MYO5B: variants seen among roughly 807,000 people sequenced by gnomAD.
MYO5B encodes myosin VB.
MYO5B carries 143 observed loss-of-function variants against 229.3 expected under a neutral mutation model. That is an observed-to-expected ratio of 0.62 (90% CI 0.54 to 0.72). The LOEUF is 0.72. Among genes scored for constraint, MYO5B ranks in the 30% least tolerant of loss-of-function variants. The pLI, the probability that MYO5B is intolerant of heterozygous loss-of-function variation, is 0.00. For synonymous variants in MYO5B, 918 were observed against 885.2 expected, an observed-to-expected ratio of 1.04 and a Z score of -0.66; for missense variants, 2,321 against 2,331.0, an observed-to-expected ratio of 1.00 and a Z score of 0.09.
chr18:50,044,775 T>G (rs938752490), intron 2 of MYO5B, among the ~76,000 whole-genome samples: 2 of 152,156 alleles, frequency 1.3e-5, no homozygotes, highest in African/African-American at 4.8e-5. Flanking sequence ...AACAGAGGTT[T>G]GTCTACACAA....
intron 17 of MYO5B, among the ~76,000 whole-genome samples, chr18:49,915,619 G>A (rs1598880030): frequency 6.6e-6 from 1 of 152,222 alleles, no homozygotes; most frequent in African/African-American, 2.4e-5. Flanking sequence ...AACCCATTGA[G>A]TTGCTGATTA....
At chr18:49,843,524 G>A in intron 33 of MYO5B, 132 bp from the exon 34 acceptor site, 1 of 1,203,250 alleles carries the variant, frequency 8.3e-7, no homozygotes, top group Non-Finnish European at 1.2e-6. Context: ...GTCTCAAAGA[G>A]GATTGGGAGA....
At chr18:50,070,314 G>A (rs1178877728) in intron 1 of MYO5B, among the ~76,000 whole-genome samples, 4 of 151,944 alleles carry the variant, frequency 2.6e-5, no homozygotes, top group South Asian at 2.1e-4. Context: ...GTGAGCTATC[G>A]CGCCCAGCTG....
intron 1 of MYO5B, among the ~76,000 whole-genome samples, chr18:50,103,885 C>A (rs2031702032): frequency 6.6e-6 from 1 of 151,860 alleles, no homozygotes; most frequent in Non-Finnish European, 1.5e-5. Flanking sequence ...GTAGGGCAAG[C>A]ATGCATCATC....
intron 22 of MYO5B, among the ~76,000 whole-genome samples, chr18:49,891,453 AG>A (rs913596710): frequency 3.9e-5 from 6 of 152,208 alleles, no homozygotes; most frequent in African/African-American, 1.2e-4. Context: ...AAGAACGAGA[AG>A]GGTTTTTTCA....
In MYO5B at chr18:49,987,118, C is replaced by G. The variant is rs553447620; in HGVS notation, c.839-2293G>C. Among the ~76,000 whole-genome samples, 72 of 152,110 alleles carry G rather than the reference C, an allele frequency of 4.7e-4. 1 individual carries two copies. The highest frequency in any genetic ancestry group is 8.7e-4 in the Non-Finnish European group (59 of 68,034). On this transcript the variant is annotated intron_variant, in intron 7 of 39. Coordinates refer to ENST00000285039, the MANE Select transcript of MYO5B (RefSeq NM_001080467.3). ...AAGGTCCTACTGCCTGATGTTGCTA[C>G]GAATCAGATAGACACCCCGCCTTCC...
At chr18:49,861,433 T>C (rs1441455190) in intron 29 of MYO5B, among the ~76,000 whole-genome samples, 2 of 152,198 alleles carry the variant, frequency 1.3e-5, no homozygotes, top group African/African-American at 2.4e-5. Flanking sequence ...CTTCTTCCCT[T>C]CTACTTTAGT....
At chr18:50,024,522 A>G (rs2026310285) in intron 4 of MYO5B, among the ~76,000 whole-genome samples, 1 of 152,236 alleles carries the variant, frequency 6.6e-6, no homozygotes, top group East Asian at 1.9e-4. Context: ...AAAGCAAGTC[A>G]TCAATCATGA....
At chr18:49,937,923 T>C (rs1357405028) in intron 14 of MYO5B, among the ~76,000 whole-genome samples, 3 of 152,230 alleles carry the variant, frequency 2.0e-5, no homozygotes, top group Non-Finnish European at 4.4e-5. Context: ...TTAGTGGTGA[T>C]GACTGCATAA....
chr18:49,893,504 G>C lies in MYO5B; in HGVS notation c.3045+1437C>G, dbSNP rs943796680. Among the ~76,000 whole-genome samples the C allele has an allele frequency of 2.6e-5, 4 of 152,212 alleles. No individual in the cohort carries two copies. In the East Asian group the frequency reaches 7.7e-4, roughly 29 times the overall value. On this transcript the variant is annotated intron_variant, in intron 22 of 39. Coordinates refer to ENST00000285039, the MANE Select transcript of MYO5B (RefSeq NM_001080467.3). ...TTTAACAGGAGTTTCCAAGCACCAC[G>C]TGCTTTCTCCCAAAGAATGAATCCA... is the stretch of plus-strand genomic sequence containing the variant.
intron 1 of MYO5B, among the ~76,000 whole-genome samples, chr18:50,087,444 G>A (rs373743241): frequency 5.3e-5 from 8 of 151,826 alleles, no homozygotes; most frequent in Admixed American, 1.3e-4. Context: ...GTGGTGGCAC[G>A]CGCCTGTAAT....
chr18:50,029,204 T>C (rs1301727705), intron 4 of MYO5B, among the ~76,000 whole-genome samples: 2 of 152,214 alleles, frequency 1.3e-5, no homozygotes, highest in African/African-American at 4.8e-5. Context: ...CTTAGTGCTG[T>C]ATCATCCCTA....
chr18:50,150,711 A>G (rs756985661), intron 1 of MYO5B, among the ~76,000 whole-genome samples: 2 of 152,214 alleles, frequency 1.3e-5, no homozygotes, highest in Non-Finnish European at 2.9e-5. Context: ...GAGGGATAGC[A>G]TTGGGAGATA....
chr18:50,060,270 T>C (rs2030656298), intron 1 of MYO5B, among the ~76,000 whole-genome samples: 1 of 152,204 alleles, frequency 6.6e-6, no homozygotes, highest in Non-Finnish European at 1.5e-5. Context: ...TTCACATTAC[T>C]AGTCTATGAA....
chr18:49,935,502 C>T (rs1246198195), intron 16 of MYO5B, among the ~76,000 whole-genome samples: 1 of 152,178 alleles, frequency 6.6e-6, no homozygotes, highest in Non-Finnish European at 1.5e-5. Flanking sequence ...ATGCCTCTTA[C>T]TACAACAAAG....
chr18:50,164,516 A>G (rs539086097), intron 1 of MYO5B, among the ~76,000 whole-genome samples: 59 of 152,324 alleles, frequency 3.9e-4, no homozygotes, highest in Non-Finnish European at 6.8e-4. Context: ...ATTCACATAC[A>G]TTATTTGGAA....
chr18:50,083,085 A>G (rs1027948962), intron 1 of MYO5B, among the ~76,000 whole-genome samples: 2 of 152,312 alleles, frequency 1.3e-5, no homozygotes, highest in Non-Finnish European at 2.9e-5. Flanking sequence ...CAGCTTGTAG[A>G]GCTTAGGTAA....
At chr18:49,861,041 G>A (rs2024322966) in intron 29 of MYO5B, among the ~76,000 whole-genome samples, 1 of 152,194 alleles carries the variant, frequency 6.6e-6, no homozygotes, top group East Asian at 1.9e-4. Flanking sequence ...CTGGGAGAGA[G>A]GCAGGCCCAC....
At chr18:50,099,706 C>T (rs980379260) in intron 1 of MYO5B, among the ~76,000 whole-genome samples, 1 of 152,134 alleles carries the variant, frequency 6.6e-6, no homozygotes, top group Non-Finnish European at 1.5e-5. Flanking sequence ...GGATGAAGTT[C>T]CACATAATTT....
Sources: gnomAD v4.1 joint callset for allele counts (sites outside exome capture counted in the v4.1 genomes callset) on GRCh38, gnomAD v4.1.1 for gene constraint, MANE v1.5 for transcripts, NCBI Gene and HGNC (gene_info 2026-07-23, HGNC 2026-07-21) for gene names.